PTK2: variants seen among roughly 807,000 people sequenced by gnomAD.
PTK2 encodes protein tyrosine kinase 2.
A neutral mutation model predicts 150.1 loss-of-function variants in PTK2; 45 were observed. That is an observed-to-expected ratio of 0.30 (90% CI 0.24 to 0.38). The LOEUF is 0.38. PTK2 is among the 10% of genes least tolerant of loss of function. The pLI, the probability that PTK2 is intolerant of heterozygous loss-of-function variation, is 1.00. For missense variants in PTK2, 919 were observed against 1,307.3 expected (o/e 0.70, Z 4.58); for synonymous variants, 432 against 449.2 (o/e 0.96, Z 0.48).
intron 21 of PTK2, among the ~76,000 whole-genome samples, chr8:140,736,309 G>C (rs1283364969): frequency 6.6e-6 from 1 of 152,096 alleles, no homozygotes; most frequent in African/African-American, 2.4e-5. Flanking sequence ...CTTGTAAGTG[G>C]GATCTAAACC....
chr8:140,919,787 T>C (rs1218558009), intron 2 of PTK2, among the ~76,000 whole-genome samples: 1 of 152,176 alleles, frequency 6.6e-6, no homozygotes, highest in Non-Finnish European at 1.5e-5. Flanking sequence ...ACTCTGAGTA[T>C]CTAATTACAT....
intron 1 of PTK2, among the ~76,000 whole-genome samples, chr8:140,997,651 T>C (rs548009664): frequency 6.6e-6 from 1 of 152,228 alleles, no homozygotes; most frequent in Non-Finnish European, 1.5e-5. Context: ...CTACGTCATG[T>C]ACATTAGCTG....
chr8:140,701,853 G>A (rs780469263), intron 25 of PTK2, among the ~76,000 whole-genome samples: 8 of 152,070 alleles, frequency 5.3e-5, no homozygotes, highest in African/African-American at 1.4e-4. Context: ...ATGACCGGGT[G>A]TGGTGGCTCA....
chr8:140,741,658 A>G (rs998297331), intron 20 of PTK2, among the ~76,000 whole-genome samples: 9 of 152,140 alleles, frequency 5.9e-5, no homozygotes, highest in African/African-American at 2.2e-4. Flanking sequence ...CCTTTGTAAA[A>G]TGGTAGTCAT....
At chr8:140,701,199 A>G (rs1381008784) in intron 25 of PTK2, among the ~76,000 whole-genome samples, 177 bp from the exon 29 acceptor site, 1 of 152,222 alleles carries the variant, frequency 6.6e-6, no homozygotes, top group Non-Finnish European at 1.5e-5. Context: ...ATGTGCATCA[A>G]GCATCTTTAA....
At chr8:140,790,265 T>C (rs2100087684) in intron 13 of PTK2, among the ~76,000 whole-genome samples, 1 of 152,200 alleles carries the variant, frequency 6.6e-6, no homozygotes, top group African/African-American at 2.4e-5. Flanking sequence ...TAAAACAGTA[T>C]AGGTTGAATA....
intron 8 of PTK2, among the ~76,000 whole-genome samples, chr8:140,824,571 G>A (rs771190760): frequency 1.3e-5 from 2 of 152,204 alleles, no homozygotes; most frequent in South Asian, 2.1e-4. Context: ...TGAGGACTGT[G>A]AGTTCCAAAC....
Position 140,823,688 on chromosome 8 carries a change from T to C in PTK2, c.649-4668A>G, listed in dbSNP as rs193148932. Among the ~76,000 whole-genome samples the C allele has an allele frequency of 1.4e-4, 21 of 152,286 alleles. 1 individual carries two copies. The highest frequency in any genetic ancestry group is 1.4e-3 in the Admixed American group (21 of 15,298). On this transcript the variant is annotated intron_variant, in intron 8 of 31. Coordinates refer to ENST00000522684, the Ensembl canonical transcript of PTK2. ...CTATACCCCTTCCCTTTGACCCCCA[T>C]AGTCTCCAGGCACTTCTAGTTCACT...
chr8:140,878,557 G>A (rs1263122062), intron 4 of PTK2, among the ~76,000 whole-genome samples: 3 of 151,778 alleles, frequency 2.0e-5, no homozygotes, highest in African/African-American at 2.4e-5. Flanking sequence ...TCATGCCACC[G>A]TACTGCAGCC....
chr8:140,886,990 C>T (rs566018718), intron 3 of PTK2, among the ~76,000 whole-genome samples: 9 of 152,244 alleles, frequency 5.9e-5, no homozygotes, highest in East Asian at 1.9e-4. Flanking sequence ...TAGATTGACC[C>T]CACACTTATC....
chr8:140,664,911 C>T lies in PTK2; in HGVS notation c.2946+6G>A, dbSNP rs1719325030. 6.2e-7 allele frequency: 1 copy of T among 1,612,546 alleles called. No individual in the cohort carries two copies. Among genetic ancestry groups the T allele is most frequent in the Non-Finnish European group, 8.5e-7 (1 of 1,179,456 alleles). The stretch of plus-strand genomic sequence containing the variant: ...AGAGGGCTGCAAGGGGAAGATTGTG[C>T]CCTACCTCTCGGTGGGTGCTGGCTG... On this transcript the variant is annotated splice_donor_region_variant and intron_variant, in intron 31 of 31. Coordinates refer to ENST00000522684, the Ensembl canonical transcript of PTK2.
chr8:140,902,299 T>C (rs978774960), intron 2 of PTK2, among the ~76,000 whole-genome samples: 15 of 152,194 alleles, frequency 9.9e-5, no homozygotes, highest in African/African-American at 3.6e-4. Flanking sequence ...CCTCCAAAAG[T>C]ACTGGGATTA....
intron 2 of PTK2, among the ~76,000 whole-genome samples, chr8:140,924,455 A>C (rs1473211117): frequency 2.0e-5 from 3 of 152,182 alleles, no homozygotes; most frequent in Non-Finnish European, 4.4e-5. Flanking sequence ...TGTTCTGTAC[A>C]TATTGTCTCC....
At chr8:140,811,053 C>T (rs976415797) in intron 10 of PTK2, among the ~76,000 whole-genome samples, 17 of 152,224 alleles carry the variant, frequency 1.1e-4, no homozygotes, top group Non-Finnish European at 7.3e-5. Context: ...GGCTGATGAG[C>T]GTGCATCCCA....
At chr8:140,682,867 G>A (rs1370669246) in intron 27 of PTK2, among the ~76,000 whole-genome samples, 1 of 152,104 alleles carries the variant, frequency 6.6e-6, no homozygotes, top group East Asian at 1.9e-4. Flanking sequence ...TAAGAAGAAA[G>A]TTTATAGTGC....
At chr8:140,718,744 A>G (rs1032016014) in intron 22 of PTK2, 2 of 152,172 alleles carry the variant, frequency 1.3e-5, no homozygotes, top group African/African-American at 2.4e-5. Context: ...TTCTCACACA[A>G]CTCAACTTAC....
At chr8:140,907,243 A>G (rs550443406) in intron 2 of PTK2, among the ~76,000 whole-genome samples, 1 of 152,300 alleles carries the variant, frequency 6.6e-6, no homozygotes, top group East Asian at 1.9e-4. Flanking sequence ...CTTCTCTACT[A>G]TGAGTGAGTA....
At chr8:140,977,669 C>T (rs2100189794) in intron 1 of PTK2, among the ~76,000 whole-genome samples, 2 of 151,274 alleles carry the variant, frequency 1.3e-5, no homozygotes, top group Admixed American at 1.3e-4. Context: ...TGGACTCCAG[C>T]CTAAGTGACA....
intron 3 of PTK2, among the ~76,000 whole-genome samples, chr8:140,882,472 C>T (rs975427227): frequency 1.3e-5 from 2 of 152,166 alleles, no homozygotes; most frequent in Non-Finnish European, 2.9e-5. Flanking sequence ...TTTGAAGACA[C>T]ATCTATCTGG....
Sources: allele counts gnomAD v4.1 joint callset (sites outside exome capture counted in the v4.1 genomes callset), GRCh38; gene constraint gnomAD v4.1.1; transcripts MANE v1.5; gene names NCBI Gene and HGNC (gene_info 2026-07-23, HGNC 2026-07-21).